Variants in SLC8A3 observed in about 807,000 individuals in gnomAD.
SLC8A3 encodes sodium/calcium exchanger 3.
SLC8A3 carries 37 observed loss-of-function variants against 65.4 expected under a neutral mutation model. The observed-to-expected ratio is 0.57, with a 90% CI of 0.44 to 0.74. SLC8A3 has a LOEUF of 0.74. Among genes scored for constraint, SLC8A3 ranks in the 30% least tolerant of loss-of-function variants. The pLI is 0.00. For missense variants in SLC8A3, 1,112 were observed against 1,172.1 expected (o/e 0.95, Z 0.75); for synonymous variants, 461 against 444.5 (o/e 1.04, Z -0.47).
At chr14:70,184,377 G>A (rs1273886581) in intron 1 of SLC8A3, among the ~76,000 whole-genome samples, 2 of 152,146 alleles carry the variant, frequency 1.3e-5, no homozygotes, top group Non-Finnish European at 2.9e-5. Context: ...GCCCTTTAAG[G>A]TTTGACCCTA....
At chr14:70,102,483 C>T (rs779788247) in intron 2 of SLC8A3, among the ~76,000 whole-genome samples, 2 of 151,846 alleles carry the variant, frequency 1.3e-5, no homozygotes, top group South Asian at 2.1e-4. Flanking sequence ...AAAATGTGAC[C>T]GACAGATAAG....
intron 2 of SLC8A3, among the ~76,000 whole-genome samples, chr14:70,139,199 C>T (rs1267759784): frequency 1.3e-5 from 2 of 152,146 alleles, no homozygotes; most frequent in Non-Finnish European, 2.9e-5. Context: ...AGGAGGGGTG[C>T]CTGAGTTGTT....
At chr14:70,096,189 A>G (rs999911753) in intron 2 of SLC8A3, among the ~76,000 whole-genome samples, 6 of 152,136 alleles carry the variant, frequency 3.9e-5, no homozygotes, top group African/African-American at 1.4e-4. Context: ...GCCCCCATAT[A>G]TCTTATATAT....
chr14:70,155,757 C>G (rs1401831064), intron 2 of SLC8A3, among the ~76,000 whole-genome samples: 4 of 152,172 alleles, frequency 2.6e-5, no homozygotes, highest in African/African-American at 9.7e-5. Context: ...TGTTCTGATC[C>G]CCTTACGGAG....
chr14:70,146,418 C>A (rs1246515564), intron 2 of SLC8A3, among the ~76,000 whole-genome samples: 1 of 152,056 alleles, frequency 6.6e-6, no homozygotes, highest in Non-Finnish European at 1.5e-5. Context: ...TCATCCAATG[C>A]CTAGAAGAGT....
intron 6 of SLC8A3, chr14:70,048,322 C>G: frequency 5.7e-6 from 2 of 348,588 alleles, no homozygotes; most frequent in Non-Finnish European, 1.0e-5. Flanking sequence ...TCAGAGATCG[C>G]CAGAGGTAAA....
chr14:70,180,574 T>G (rs1882662526), intron 1 of SLC8A3, among the ~76,000 whole-genome samples: 1 of 152,234 alleles, frequency 6.6e-6, no homozygotes, highest in African/African-American at 2.4e-5. Context: ...AGAGGATTCT[T>G]CCTGTCTCAC....
At chr14:70,158,066 G>A (rs1370428765) in intron 2 of SLC8A3, among the ~76,000 whole-genome samples, 2 of 152,208 alleles carry the variant, frequency 1.3e-5, no homozygotes, top group Non-Finnish European at 2.9e-5. Flanking sequence ...AATTGAGAAG[G>A]GAGGTGCTGA....
chr14:70,174,651 G>GTTT lies in SLC8A3; in HGVS notation c.-62-6170_-62-6168dup, dbSNP rs1286502376. 3.9e-4 allele frequency among the ~76,000 whole-genome samples: 35 copies of GTTT among 90,362 alleles called. 3 individuals are homozygous for GTTT. Among genetic ancestry groups the GTTT allele is most frequent in the East Asian group, 2.6e-3 (7 of 2,696 alleles). The allele number at this position is 90,362 out of a possible 152,430, so 59.3% of individuals were successfully genotyped here. A position where few individuals can be genotyped will look rare whatever the true frequency, so the allele number is the denominator to read the frequency against. On this transcript the variant is annotated intron_variant, in intron 1 of 6. Coordinates refer to ENST00000356921, the MANE Select transcript of SLC8A3 (RefSeq NM_182932.3). ...CCAAAAAGCCCCTTGGACCAAATCC[G>GTTT]TTTTTTTTTTGTTTTTTTTTTTTTT...
intron 5 of SLC8A3, 65 bp downstream of exon 5, chr14:70,050,943 C>T (rs1385017892): frequency 2.9e-6 from 3 of 1,033,916 alleles, no homozygotes; most frequent in Non-Finnish European, 4.6e-6. Flanking sequence ...GTTAACGTGG[C>T]TTTACGCTTC....
At chr14:70,140,030 C>T (rs112020229) in intron 2 of SLC8A3, among the ~76,000 whole-genome samples, 12 of 152,134 alleles carry the variant, frequency 7.9e-5, no homozygotes, top group Admixed American at 6.5e-4. Flanking sequence ...TTTGCCATGA[C>T]TTTTAATGGT....
At chr14:70,094,157 C>T (rs1407613402) in intron 2 of SLC8A3, among the ~76,000 whole-genome samples, 4 of 152,234 alleles carry the variant, frequency 2.6e-5, no homozygotes, top group African/African-American at 9.6e-5. Context: ...TCTCTGACAG[C>T]CAGTCCATGG....
In SLC8A3 at chr14:70,052,082, C is replaced by A. The variant is rs1328628795; in HGVS notation, c.1921G>T (p.Glu641Ter). Residue 641 changes from glutamate (E) to a stop codon, truncating the protein, a stop_gained, in exon 4 of 7, where the codon GAG becomes TAG. Transcript: ENST00000356921. LOFTEE classifies it high-confidence loss of function. The stretch of plus-strand genomic sequence containing the variant: ...ATCTCTGCTATCCTCTTGGCCTCCT[C>A]TTCTTCCATAGTCAGCTTCCTGTCT... ...VTDRKLTMEEEEAKRIAEMGK... is the reference protein window; with the variant it reads ...VTDRKLTMEE 1 of 1,606,692 alleles carries A rather than the reference C, an allele frequency of 6.2e-7. No homozygotes were observed. Among genetic ancestry groups the A allele is most frequent in the Non-Finnish European group, 8.5e-7 (1 of 1,178,112 alleles).
chr14:70,051,148 G>T, intron 4 of SLC8A3, 41 bp from the exon 5 acceptor site: 1 of 1,356,350 alleles, frequency 7.4e-7, no homozygotes, highest in Non-Finnish European at 1.1e-6. Flanking sequence ...AGGTTAGAAT[G>T]CTCAGAACCA....
intron 2 of SLC8A3, among the ~76,000 whole-genome samples, chr14:70,129,033 C>A (rs1226552295): frequency 6.6e-6 from 1 of 152,126 alleles, no homozygotes; most frequent in Non-Finnish European, 1.5e-5. Context: ...GGTCTAAATC[C>A]CAACACATAT....
chr14:70,152,654 T>A (rs781756179), intron 2 of SLC8A3, among the ~76,000 whole-genome samples: 16 of 152,090 alleles, frequency 1.1e-4, no homozygotes, highest in Non-Finnish European at 1.8e-4. Context: ...GGCAGACAGA[T>A]CTGTATGGCA....
At chr14:70,132,656 T>C (rs148726333) in intron 2 of SLC8A3, among the ~76,000 whole-genome samples, 2 of 152,260 alleles carry the variant, frequency 1.3e-5, no homozygotes, top group Non-Finnish European at 2.9e-5. Context: ...CCTTTTGAGG[T>C]CATGATCCTG....
chr14:70,060,564 T>A, intron 3 of SLC8A3: 1 of 570,698 alleles, frequency 1.8e-6, no homozygotes, highest in Non-Finnish European at 3.3e-6. Flanking sequence ...AATGAGGAGT[T>A]GAGGCTGCAG....
At chr14:70,114,747 C>T (rs1893546062) in intron 2 of SLC8A3, among the ~76,000 whole-genome samples, 1 of 152,194 alleles carries the variant, frequency 6.6e-6, no homozygotes, top group African/African-American at 2.4e-5. Flanking sequence ...GAGTTTACAG[C>T]ATGACTGTGC....
Sources: allele counts gnomAD v4.1 joint callset (sites outside exome capture counted in the v4.1 genomes callset), GRCh38; gene constraint gnomAD v4.1.1; transcripts MANE v1.5; gene names NCBI Gene and HGNC (gene_info 2026-07-23, HGNC 2026-07-21).